The following PBX4 variants were observed in gnomAD, a reference collection of about 807,000 sequenced individuals.
PBX4 encodes the protein pre-B-cell leukemia transcription factor 4.
Under a neutral mutation model 35.1 loss-of-function variants are expected in PBX4, and 26 were observed. The observed-to-expected ratio is 0.74, with a 90% CI of 0.54 to 1.03. PBX4 has a LOEUF of 1.03. PBX4 is among the 50% of genes least tolerant of loss of function. The probability of loss-of-function intolerance (pLI) is 0.00; values close to 1 mark genes in which losing one functional copy is unlikely to be tolerated. For missense variants in PBX4, 448 were observed against 504.3 expected, an observed-to-expected ratio of 0.89 and a Z score of 1.07; for synonymous variants, 199 against 204.2, an observed-to-expected ratio of 0.97 and a Z score of 0.22.
chr19:19,583,144 C>T (rs927308805), intron 2 of PBX4, among the ~76,000 whole-genome samples: 4 of 151,956 alleles, frequency 2.6e-5, no homozygotes, highest in African/African-American at 9.7e-5. Flanking sequence ...ATGGCGAAAC[C>T]CCGTCTTTAC....
At chr19:19,572,166 C>T (rs2061388601) in intron 2 of PBX4, among the ~76,000 whole-genome samples, 1 of 147,744 alleles carries the variant, frequency 6.8e-6, no homozygotes, top group Non-Finnish European at 1.5e-5. Flanking sequence ...CCTCTGTCTC[C>T]CAGGTTCCAG....
chr19:19,569,381 G>T (rs1345301203), intron 5 of PBX4, 68 bp downstream of exon 5: 21 of 1,534,694 alleles, frequency 1.4e-5, no homozygotes, highest in Non-Finnish European at 1.8e-5. Flanking sequence ...ACTTCCCTGG[G>T]TGTCCTCATG....
At chr19:19,583,538 C>T (rs766957982) in intron 2 of PBX4, among the ~76,000 whole-genome samples, 5 of 148,218 alleles carry the variant, frequency 3.4e-5, no homozygotes, top group South Asian at 2.2e-4. Context: ...GCTTGAGCCC[C>T]GGAGTTTGAG....
At chr19:19,564,680 T>A in intron 6 of PBX4, 1 of 470,920 alleles carries the variant, frequency 2.1e-6, no homozygotes, top group East Asian at 3.8e-5. Context: ...GGATTACAGG[T>A]GTGAGCCACC....
At chr19:19,582,972 G>A (rs950094046) in intron 2 of PBX4, among the ~76,000 whole-genome samples, 1 of 152,204 alleles carries the variant, frequency 6.6e-6, no homozygotes, top group African/African-American at 2.4e-5. Context: ...TGTTTCACCC[G>A]GGCTCCGGGA....
chr19:19,577,135 CA>C (rs963569329), intron 2 of PBX4, among the ~76,000 whole-genome samples: 4 of 149,016 alleles, frequency 2.7e-5, no homozygotes, highest in East Asian at 4.0e-4. Context: ...GCTGAGGCTG[CA>C]GTGGGCCAAG....
At chr19:19,572,854 CAAAAAA>C (rs36044843) in intron 2 of PBX4, among the ~76,000 whole-genome samples, 2 of 70,076 alleles carry the variant, frequency 2.9e-5, no homozygotes, top group Non-Finnish European at 2.8e-5. Flanking sequence ...GACTCCGTCT[CAAAAAA>C]AAAAAAAAAA....
intron 1 of PBX4, among the ~76,000 whole-genome samples, chr19:19,610,243 G>A (rs995714855): frequency 3.3e-5 from 5 of 151,946 alleles, no homozygotes; most frequent in African/African-American, 4.8e-5. Flanking sequence ...GAGAAACCTC[G>A]TCTCTACTGA....
At position 19,564,933 on chromosome 19, in the gene PBX4, C is replaced by G. The variant is rs753559018; in HGVS notation, c.925G>C (p.Gly309Arg). 17 of 1,614,118 alleles carry G rather than the reference C, an allele frequency of 1.1e-5. No homozygotes were observed. Among genetic ancestry groups the G allele is most frequent in the Non-Finnish European group, 1.4e-5 (17 of 1,180,046 alleles). Residue 309 changes from glycine (G) to arginine (R), a missense_variant and splice_region_variant, in exon 6 of 8, where the codon GGC becomes CGC. Transcript: ENST00000251203. The part of the protein sequence containing the change: ...HASCLSTPSS[G>R]SSGPFPLPSA... ...CTGTCCCTGGGCCAGCCTCACTCAC[C>G]GGAGCTAGGTGTTGACAGGCAGCTG...
chr19:19,618,437 A>G, intron 1 of PBX4, 74 bp downstream of exon 1: 2 of 1,294,464 alleles, frequency 1.5e-6, no homozygotes, highest in South Asian at 1.9e-5. Flanking sequence ...TCTGGCCTCC[A>G]CGCCCCGTCC....
At chr19:19,593,702 C>A (rs550843635) in intron 2 of PBX4, among the ~76,000 whole-genome samples, 4 of 152,280 alleles carry the variant, frequency 2.6e-5, no homozygotes, top group African/African-American at 9.6e-5. Context: ...TCCTACTGTA[C>A]CCCAAAACAT....
At chr19:19,570,389 C>G in intron 3 of PBX4, 90 bp from the exon 4 acceptor site, 1 of 1,471,642 alleles carries the variant, frequency 6.8e-7, no homozygotes, top group Non-Finnish European at 9.2e-7. Context: ...CCGCCTGCCA[C>G]CCCCTGTAGT....
intron 2 of PBX4, among the ~76,000 whole-genome samples, chr19:19,573,330 TACACACACACACACACAC>T (rs397838081): frequency 9.0e-5 from 12 of 133,378 alleles, no homozygotes; most frequent in African/African-American, 1.4e-4. Flanking sequence ...AAAAAAAATA[TACACACACACACACACAC>T]ACACACACAC....
At position 19,612,149 on chromosome 19, in the gene PBX4, AC is replaced by A. The variant is rs573940213; in HGVS notation, c.119+6361del. Among the ~76,000 whole-genome samples, 17 of 152,004 alleles carry A rather than the reference AC, an allele frequency of 1.1e-4. No homozygotes were observed. The East Asian group carries it at 3.3e-3, about 29-fold the overall frequency. The stretch of plus-strand genomic sequence containing the variant: ...GCCGGGCATGGTGGTGCATACCTGT[AC>A]ACACCTGTAATCCCAACTACTCGGG... On this transcript the variant is annotated intron_variant, in intron 1 of 7. Coordinates refer to ENST00000251203, the MANE Select transcript of PBX4 (RefSeq NM_025245.3).
At chr19:19,613,965 A>G (rs1460945781) in intron 1 of PBX4, among the ~76,000 whole-genome samples, 1 of 151,780 alleles carries the variant, frequency 6.6e-6, no homozygotes, top group Non-Finnish European at 1.5e-5. Context: ...CACACACCCT[A>G]CTTCTCAGTG....
intron 2 of PBX4, among the ~76,000 whole-genome samples, chr19:19,587,373 A>C (rs1353991915): frequency 6.6e-6 from 1 of 151,932 alleles, no homozygotes; most frequent in Non-Finnish European, 1.5e-5. Flanking sequence ...ATATCACCTG[A>C]GGTCGGGAGT....
At chr19:19,574,737 C>T (rs1600405782) in intron 2 of PBX4, among the ~76,000 whole-genome samples, 2 of 151,846 alleles carry the variant, frequency 1.3e-5, no homozygotes, top group South Asian at 4.2e-4. Flanking sequence ...TGGGTTCAAG[C>T]GATTCTCCTA....
In PBX4 at chr19:19,565,128, C is replaced by T. The variant is rs142087826; in HGVS notation, c.769-39G>A. On this transcript the variant is annotated intron_variant, in intron 5 of 7. Coordinates refer to ENST00000251203, the MANE Select transcript of PBX4 (RefSeq NM_025245.3). ...GGAGTCACTGGAGGAGCTGACCCAGCGACTTCTGAGACACGACGCAGTCTG... is the reference window on the plus strand; with the variant it reads ...GGAGTCACTGGAGGAGCTGACCCAGTGACTTCTGAGACACGACGCAGTCTG... 3.2e-3 allele frequency: 5,201 copies of T among 1,612,822 alleles called. 246 individuals carry two copies. The Admixed American group carries it at 0.077, about 24-fold the overall frequency.
chr19:19,570,600 C>G lies in PBX4; in HGVS notation c.427G>C (p.Glu143Gln). The G allele has an allele frequency of 6.2e-7, 1 of 1,614,118 alleles. No individual in the cohort carries two copies. Among genetic ancestry groups the G allele is most frequent in the South Asian group, 1.1e-5 (1 of 91,062 alleles). Residue 143 changes from glutamate to glutamine, a missense_variant, in exon 3 of 8, where the codon GAG becomes CAG. By Grantham distance (29) the Glu-to-Gln change is conservative. Transcript: ENST00000251203. Reference sequence around the variant, plus strand: ...AGAAAGATCACCTGTTCATATTTCTCTAGCTCAGAGTGGTAAATCTGTCGG... The same window carrying G: ...AGAAAGATCACCTGTTCATATTTCTGTAGCTCAGAGTGGTAAATCTGTCGG... The part of the protein sequence containing the change: ...QIRQIYHSEL[E>Q]KYEQACREFT...
Sources: gnomAD v4.1 joint callset for allele counts (sites outside exome capture counted in the v4.1 genomes callset) on GRCh38, gnomAD v4.1.1 for gene constraint, MANE v1.5 for transcripts, NCBI Gene and HGNC (gene_info 2026-07-23, HGNC 2026-07-21) for gene names.